RFTN2: variants seen among roughly 807,000 people sequenced by gnomAD.
The protein encoded by RFTN2 is raftlin-2.
RFTN2 carries 34 observed loss-of-function variants against 52.7 expected under a neutral mutation model. The observed-to-expected ratio is 0.64, with a 90% CI of 0.49 to 0.86. The LOEUF is 0.86. Ranked by LOEUF, RFTN2 falls within the 40% of genes least tolerant of loss-of-function variation. RFTN2 has a pLI of 0.00. For synonymous variants in RFTN2, 203 were observed against 217.7 expected (o/e 0.93, Z 0.59); for missense variants, 536 against 600.1 (o/e 0.89, Z 1.12).
At chr2:197,613,583 C>T (rs2088097801) in intron 7 of RFTN2, among the ~76,000 whole-genome samples, 1 of 152,164 alleles carries the variant, frequency 6.6e-6, no homozygotes, top group African/African-American at 2.4e-5. Flanking sequence ...CATCATTGAC[C>T]ATGATTACTA....
At chr2:197,655,791 T>A (rs925406376) in intron 1 of RFTN2, among the ~76,000 whole-genome samples, 1 of 152,058 alleles carries the variant, frequency 6.6e-6, no homozygotes, top group African/African-American at 2.4e-5. Flanking sequence ...ACCACTGCAC[T>A]CCAGCCTGGG....
chr2:197,620,963 C>T (rs909490270), intron 5 of RFTN2, among the ~76,000 whole-genome samples: 8 of 152,106 alleles, frequency 5.3e-5, no homozygotes, highest in Admixed American at 3.9e-4. Context: ...AAGACTCCAT[C>T]TCAAAAACAA....
intron 8 of RFTN2, among the ~76,000 whole-genome samples, chr2:197,590,516 G>A (rs1367236142): frequency 6.6e-6 from 1 of 152,112 alleles, no homozygotes; most frequent in Non-Finnish European, 1.5e-5. Context: ...CCACAACAAG[G>A]GCATGAAATG....
intron 8 of RFTN2, among the ~76,000 whole-genome samples, chr2:197,594,074 G>T (rs1445231595): frequency 6.9e-6 from 1 of 145,860 alleles, no homozygotes; most frequent in Admixed American, 6.9e-5. Context: ...GCAGTGCAGT[G>T]GTGCGATCTT....
intron 1 of RFTN2, among the ~76,000 whole-genome samples, chr2:197,649,080 A>C (rs2088791062): frequency 6.6e-6 from 1 of 152,236 alleles, no homozygotes; most frequent in South Asian, 2.1e-4. Context: ...TTGCATAAAA[A>C]AGGCAAGCAA....
At position 197,633,895 on chromosome 2, in the gene RFTN2, C is replaced by T; in HGVS notation, c.541G>A (p.Glu181Lys). 1 of 1,613,886 alleles carries T rather than the reference C, an allele frequency of 6.2e-7. No individual in the cohort carries two copies. Among genetic ancestry groups the T allele is most frequent in the Non-Finnish European group, 8.5e-7 (1 of 1,179,832 alleles). ...CCGTGTCTCACATGTAGCATCGATT[C>T]TATATCTCCATCATGGTTGGTTCCA... ...CNGTNHDGDI[E>K]SMLHVRHGSD... Residue 181 changes from glutamate to lysine, a missense_variant, in exon 4 of 9, where the codon GAA (glutamate) becomes AAA (lysine). By Grantham distance (56) the Glu-to-Lys change is moderately conservative. Coordinates refer to ENST00000295049, the MANE Select transcript of RFTN2 (RefSeq NM_144629.3).
Position 197,643,010 on chromosome 2 carries a change from C to T in RFTN2, c.438+1148G>A, listed in dbSNP as rs553871925. Reference sequence around the variant, plus strand: ...AAAATGGGATTTATGATTCTTCTTACTAAATAGATATTCAGGAATACTGCA... The same window carrying T: ...AAAATGGGATTTATGATTCTTCTTATTAAATAGATATTCAGGAATACTGCA... On this transcript the variant is annotated intron_variant, in intron 3 of 8. Transcript: ENST00000295049. Among the ~76,000 whole-genome samples, 15 of 152,252 alleles carry T rather than the reference C, an allele frequency of 9.9e-5. No homozygotes were observed. The East Asian group carries it at 2.9e-3, about 29-fold the overall frequency.
chr2:197,609,209 ACT>A (rs1425598725), intron 7 of RFTN2, among the ~76,000 whole-genome samples: 1 of 152,232 alleles, frequency 6.6e-6, no homozygotes, highest in East Asian at 1.9e-4. Flanking sequence ...GAATCGCCAC[ACT>A]GTCTTCCACA....
chr2:197,590,802 G>A (rs2087696179), intron 8 of RFTN2, among the ~76,000 whole-genome samples: 1 of 152,192 alleles, frequency 6.6e-6, no homozygotes, highest in Non-Finnish European at 1.5e-5. Context: ...TGGGTTCGTG[G>A]TCTGGCTGGC....
At chr2:197,594,368 C>T (rs1158707874) in intron 8 of RFTN2, among the ~76,000 whole-genome samples, 1 of 151,966 alleles carries the variant, frequency 6.6e-6, no homozygotes, top group African/African-American at 2.4e-5. Flanking sequence ...CACTCCGTCA[C>T]CCAGGCTGGA....
intron 8 of RFTN2, among the ~76,000 whole-genome samples, chr2:197,594,231 G>C (rs1367313663): frequency 1.3e-5 from 2 of 151,712 alleles, no homozygotes. Flanking sequence ...AGCCAGGATG[G>C]TCTTGATCTC....
intron 8 of RFTN2, among the ~76,000 whole-genome samples, chr2:197,591,241 T>A (rs1337036384): frequency 1.3e-5 from 2 of 152,068 alleles, no homozygotes; most frequent in Admixed American, 6.5e-5. Context: ...TTGAGCTAGA[T>A]ATAGAGTGCC....
chr2:197,624,306 A>G (rs1383291108), intron 5 of RFTN2, among the ~76,000 whole-genome samples: 1 of 152,136 alleles, frequency 6.6e-6, no homozygotes, highest in African/African-American at 2.4e-5. Flanking sequence ...AAATTTTGTG[A>G]AAGAAAGAGC....
rs546333134 is a variant in RFTN2, at chr2:197,616,463, A to T, written c.1051-484T>A. On this transcript the variant is annotated intron_variant, in intron 6 of 8. Transcript: ENST00000295049. ...CATGACACTATGCCTGGTTAATTTT[A>T]AAATTTTTTGTAGAGATGGGGTCTC... 1.2e-4 allele frequency among the ~76,000 whole-genome samples: 18 copies of T among 151,632 alleles called. 1 individual carries two copies. In the South Asian group the frequency reaches 1.3e-3, roughly 11 times the overall value.
rs2087278653 is a variant in RFTN2 at position 197,569,232 on chromosome 2, A to AT, written c.*2775dup. ...AACATCTGGGATCTTGATACCTTTC[A>AT]TTATAACTTACAGGTTTTAAAAATT... On this transcript the variant is annotated 3_prime_UTR_variant, in exon 9 of 9. Transcript: ENST00000295049. The AT allele has an allele frequency of 6.6e-6, 1 of 152,230 alleles. No homozygotes were observed. The highest frequency in any genetic ancestry group is 6.5e-5 in the Admixed American group (1 of 15,284). The allele number at this position is 152,230 out of a possible 1,614,324, so 9.4% of individuals were successfully genotyped here. A position where few individuals can be genotyped will look rare whatever the true frequency, so the allele number is the denominator to read the frequency against.
In RFTN2 at chr2:197,633,908, A is replaced by G; in HGVS notation, c.528T>C (p.His176=). The change falls in exon 4 of 9, where the codon CAT becomes CAC. Residue 176 remains histidine (H), a synonymous_variant. Coordinates refer to ENST00000295049, the MANE Select transcript of RFTN2 (RefSeq NM_144629.3). ...GTAGCATCGATTCTATATCTCCATC[A>G]TGGTTGGTTCCATTGCAGAATTTAG... ...SPSKFCNGTN[H]DGDIESMLHV... is the part of the protein sequence containing the mutation. 1 of 1,613,702 alleles carries G rather than the reference A, an allele frequency of 6.2e-7. No homozygotes were observed. The highest frequency in any genetic ancestry group is 8.5e-7 in the Non-Finnish European group (1 of 1,179,668).
Position 197,620,182 on chromosome 2 carries a change from T to C in RFTN2, c.929-2261A>G, listed in dbSNP as rs538619685. Among the ~76,000 whole-genome samples the C allele has an allele frequency of 9.2e-5, 14 of 151,730 alleles. No homozygotes were observed. The South Asian group carries it at 2.7e-3, about 29-fold the overall frequency. On this transcript the variant is annotated intron_variant, in intron 5 of 8. Transcript: ENST00000295049. Reference sequence around the variant, plus strand: ...ACAGAACAATTCTTTACCTCAATGATGGGTTAAAAAAAAAAATAAGAAAAA... The same window carrying C: ...ACAGAACAATTCTTTACCTCAATGACGGGTTAAAAAAAAAAATAAGAAAAA...
chr2:197,649,789 T>G (rs2088800328), intron 1 of RFTN2, among the ~76,000 whole-genome samples: 2 of 152,182 alleles, frequency 1.3e-5, no homozygotes, highest in South Asian at 4.1e-4. Flanking sequence ...TCCCAGATAG[T>G]GAAGAACGGC....
intron 3 of RFTN2, among the ~76,000 whole-genome samples, chr2:197,639,163 G>T (rs2088617873): frequency 7.0e-6 from 1 of 143,340 alleles, no homozygotes; most frequent in East Asian, 2.1e-4. Flanking sequence ...CTCTCTGGCT[G>T]CCCTTAACAT....
Sources: allele counts gnomAD v4.1 joint callset (sites outside exome capture counted in the v4.1 genomes callset), GRCh38; gene constraint gnomAD v4.1.1; transcripts MANE v1.5; gene names NCBI Gene and HGNC (gene_info 2026-07-23, HGNC 2026-07-21).